Variants in ENTREP2 observed in about 807,000 individuals in gnomAD.
The protein encoded by ENTREP2 is endosomal transmembrane epsin interactor 2, also known as protein ENTREP2.
At chr15:29,447,908 CA>C in the ENTREP2 span, among the ~76,000 whole-genome samples, 2 of 151,326 alleles carry the variant, frequency 1.3e-5, no homozygotes, top group Non-Finnish European at 3.0e-5. Flanking sequence ...GCTAAAAATA[CA>C]AAAAAAATTA....
At chr15:29,397,510 G>C in the ENTREP2 span, among the ~76,000 whole-genome samples, 3 of 152,014 alleles carry the variant, frequency 2.0e-5, no homozygotes, top group Non-Finnish European at 4.4e-5. Context: ...AGAAAGAACA[G>C]TGGTCCTCAC....
At chr15:29,158,407 T>C in the ENTREP2 span, among the ~76,000 whole-genome samples, 6,203 of 21,458 alleles carry the variant, frequency 0.29, 364 homozygotes, top group African/African-American at 0.33. Context: ...ATCTCTGCCT[T>C]TTTTTTTTTT....
the ENTREP2 span, among the ~76,000 whole-genome samples, chr15:29,510,581 G>A: frequency 5.3e-5 from 8 of 151,860 alleles, no homozygotes; most frequent in South Asian, 2.1e-4. Context: ...CGAGGCGGGC[G>A]GATCACGAGG....
chr15:29,424,715 C>T, the ENTREP2 span, among the ~76,000 whole-genome samples: 1 of 152,158 alleles, frequency 6.6e-6, no homozygotes, highest in East Asian at 1.9e-4. Flanking sequence ...GGCAGTGCCC[C>T]AGGAATCCTC....
chr15:29,318,262 T>C, the ENTREP2 span, among the ~76,000 whole-genome samples: 15 of 152,216 alleles, frequency 9.9e-5, no homozygotes, highest in African/African-American at 3.6e-4. Context: ...ACTTCATGTC[T>C]CTCTGTCGGT....
At chr15:29,153,069 T>C in the ENTREP2 span, among the ~76,000 whole-genome samples, 6 of 152,374 alleles carry the variant, frequency 3.9e-5, no homozygotes, top group East Asian at 3.9e-4. Context: ...ATGTGCTTAT[T>C]TGCCATCTAG....
chr15:29,151,957 G>T, the ENTREP2 span: 1 of 769,220 alleles, frequency 1.3e-6, no homozygotes, highest in Non-Finnish European at 2.2e-6. Flanking sequence ...ACTTCATGGA[G>T]GTTTTGTTTT....
chr15:29,635,983 T>C, the ENTREP2 span, among the ~76,000 whole-genome samples: 1 of 152,308 alleles, frequency 6.6e-6, no homozygotes, highest in South Asian at 2.1e-4. Flanking sequence ...TGACAACAAA[T>C]GTCTCCTTCT....
At chr15:29,192,454 A>G in the ENTREP2 span, among the ~76,000 whole-genome samples, 10 of 152,180 alleles carry the variant, frequency 6.6e-5, no homozygotes, top group East Asian at 1.9e-4. Context: ...AACAAGAAGA[A>G]GACATTGGGT....
chr15:29,329,378 A>G, the ENTREP2 span, among the ~76,000 whole-genome samples: 1 of 151,252 alleles, frequency 6.6e-6, no homozygotes, highest in South Asian at 2.1e-4. Flanking sequence ...AAAAAAAAAA[A>G]GTATGAATTG....
chr15:29,205,855 T>C, the ENTREP2 span, among the ~76,000 whole-genome samples: 1 of 152,226 alleles, frequency 6.6e-6, no homozygotes, highest in Non-Finnish European at 1.5e-5. Context: ...AAACTGTCAG[T>C]AACCTGTTGA....
the ENTREP2 span, among the ~76,000 whole-genome samples, chr15:29,466,410 G>GC: frequency 6.6e-6 from 1 of 151,904 alleles, no homozygotes; most frequent in African/African-American, 2.4e-5. Flanking sequence ...GGACGCTGCA[G>GC]CCCCCAGGGG....
At chr15:29,325,625 A>G in the ENTREP2 span, among the ~76,000 whole-genome samples, 1 of 152,156 alleles carries the variant, frequency 6.6e-6, no homozygotes, top group East Asian at 1.9e-4. Context: ...TCCAAAAAAG[A>G]AAGCAGCAGG....
At chr15:29,365,250 C>CTTTTTTTTT in the ENTREP2 span, among the ~76,000 whole-genome samples, 1 of 142,014 alleles carries the variant, frequency 7.0e-6, no homozygotes, top group Admixed American at 7.1e-5. Flanking sequence ...TAGCTCATTT[C>CTTTTTTTTT]TTTTTTTTTT....
the ENTREP2 span, among the ~76,000 whole-genome samples, chr15:29,356,507 G>C: frequency 6.6e-6 from 1 of 151,008 alleles, no homozygotes; most frequent in Non-Finnish European, 1.5e-5. Flanking sequence ...GGGTTTCACT[G>C]TGTTAGCCAG....
At chr15:29,120,666 T>C in the ENTREP2 span, 1 of 152,416 alleles carries the variant, frequency 6.6e-6, no homozygotes, top group South Asian at 2.1e-4. Context: ...GGGCAGGGGA[T>C]GCCCGGGGCC....
chr15:29,611,185 A>G, the ENTREP2 span: 1 of 151,968 alleles, frequency 6.6e-6, no homozygotes, highest in Non-Finnish European at 1.5e-5. Flanking sequence ...TTTCTTGTCT[A>G]AACTCCCCCA....
chr15:29,198,194 C>G, the ENTREP2 span, among the ~76,000 whole-genome samples: 1 of 152,194 alleles, frequency 6.6e-6, no homozygotes, highest in African/African-American at 2.4e-5. Flanking sequence ...GAGGTGTCAG[C>G]TTGCAGCTTC....
the ENTREP2 span, among the ~76,000 whole-genome samples, chr15:29,466,365 T>C: frequency 1.3e-5 from 2 of 152,052 alleles, no homozygotes; most frequent in Non-Finnish European, 2.9e-5. Flanking sequence ...GCCAGCAAGG[T>C]AGACACTGCA....
Sources: allele counts gnomAD v4.1 joint callset (sites outside exome capture counted in the v4.1 genomes callset), GRCh38; gene constraint gnomAD v4.1.1; transcripts MANE v1.5; gene names NCBI Gene and HGNC (gene_info 2026-07-23, HGNC 2026-07-21).